Variants in DLG1 observed in about 807,000 individuals in gnomAD.
The protein encoded by DLG1 is discs large MAGUK scaffold protein 1.
A neutral mutation model predicts 123.4 loss-of-function variants in DLG1; 42 were observed. That is an observed-to-expected ratio of 0.34 (90% CI 0.27 to 0.44). DLG1 has a LOEUF of 0.44. DLG1 is among the 20% of genes least tolerant of loss of function. The pLI, the probability that DLG1 is intolerant of heterozygous loss-of-function variation, is 1.00. For missense variants in DLG1, 942 were observed against 1,082.6 expected, an observed-to-expected ratio of 0.87 and a Z score of 1.82; for synonymous variants, 317 against 356.2, an observed-to-expected ratio of 0.89 and a Z score of 1.24.
intron 4 of DLG1, among the ~76,000 whole-genome samples, chr3:197,224,809 C>T (rs1738930728): frequency 6.6e-6 from 1 of 152,162 alleles, no homozygotes; most frequent in South Asian, 2.1e-4. Context: ...GACCTCTTCA[C>T]ATCAGCAATT....
chr3:197,183,507 A>T, intron 5 of DLG1: 1 of 1,364,512 alleles, frequency 7.3e-7, no homozygotes, highest in Non-Finnish European at 1.0e-6. Flanking sequence ...AATCTATATT[A>T]AGACATTTTT....
At chr3:197,298,773 C>G (rs1022427020), upstream of DLG1, 57 of 395,368 alleles carry the variant, frequency 1.4e-4, no homozygotes, top group African/African-American at 1.1e-3. Context: ...ACTCTTCGTC[C>G]CTTAGTAATA....
At chr3:197,131,052 T>C (rs764498168) in intron 10 of DLG1, among the ~76,000 whole-genome samples, 1 of 152,262 alleles carries the variant, frequency 6.6e-6, no homozygotes, top group Non-Finnish European at 1.5e-5. Context: ...CCTTAGAGAC[T>C]GTTCCATGTT....
rs972907509 is a variant in DLG1, at chr3:197,282,820, G to C, written c.177C>G (p.Thr59=). Residue 59 remains threonine, a synonymous_variant, in exon 4 of 25, where the codon ACC becomes ACG. Coordinates refer to ENST00000667157, the MANE Select transcript of DLG1 (RefSeq NM_001366207.1). ...LIDIQEFYEV[T]LLDNPKCIDR... ...CTATACATTTTGGATTATCCAGTAAGGTCACTTCATAAAATTCTTGAATAT... is the reference window on the plus strand; with the variant it reads ...CTATACATTTTGGATTATCCAGTAACGTCACTTCATAAAATTCTTGAATAT... The C allele has an allele frequency of 2.0e-5, 31 of 1,579,586 alleles. No individual in the cohort carries two copies. Among genetic ancestry groups the C allele is most frequent in the Non-Finnish European group, 2.7e-5 (31 of 1,163,356 alleles).
rs545515705 is a variant in DLG1, at chr3:197,043,583, A to T, written c.*1040T>A. The T allele has an allele frequency of 2.6e-5, 4 of 151,636 alleles. No homozygotes were observed. Among genetic ancestry groups the T allele is most frequent in the Admixed American group, 2.6e-4 (4 of 15,198 alleles). 9.4% of individuals were successfully genotyped at this position (151,636 alleles called of 1,614,324 possible). A position where few individuals can be genotyped will look rare whatever the true frequency, so the allele number is the denominator to read the frequency against. ...AACAAAATATATTTTAAATATATATATATGTTTGTGTGTGTGCGCAACTAT... is the reference window on the plus strand; with the variant it reads ...AACAAAATATATTTTAAATATATATTTATGTTTGTGTGTGTGCGCAACTAT... On this transcript the variant is annotated 3_prime_UTR_variant, in exon 25 of 25. Transcript: ENST00000667157.
intron 12 of DLG1, among the ~76,000 whole-genome samples, chr3:197,118,930 G>A (rs1774786763): frequency 6.6e-6 from 1 of 152,052 alleles, no homozygotes; most frequent in Non-Finnish European, 1.5e-5. Flanking sequence ...CTTGAGTCTA[G>A]GAGTTGGAGG....
At chr3:197,108,132 T>C (rs1186945343) in intron 13 of DLG1, among the ~76,000 whole-genome samples, 1 of 152,220 alleles carries the variant, frequency 6.6e-6, no homozygotes, top group Non-Finnish European at 1.5e-5. Context: ...TATGTTGAAC[T>C]AACCATGCAT....
intron 11 of DLG1, among the ~76,000 whole-genome samples, chr3:197,130,224 G>A (rs1187708012): frequency 6.6e-6 from 1 of 152,084 alleles, no homozygotes; most frequent in Non-Finnish European, 1.5e-5. Context: ...GGAAAACTTA[G>A]AACAAAACAA....
chr3:197,044,497 C>A lies in DLG1; in HGVS notation c.*126G>T, dbSNP rs951225676. ...GACACTACATGTGAAAAAGAAGCTG[C>A]AGACCATGATGTGTGGGATACAATT... On this transcript the variant is annotated 3_prime_UTR_variant, in exon 25 of 25. Coordinates refer to ENST00000667157, the MANE Select transcript of DLG1 (RefSeq NM_001366207.1). The A allele has an allele frequency of 1.1e-5, 6 of 552,156 alleles. No individual in the cohort carries two copies. The highest frequency in any genetic ancestry group is 2.7e-4 in the Middle Eastern group (1 of 3,684). 34.2% of individuals were successfully genotyped at this position (552,156 alleles called of 1,614,324 possible). A position where few individuals can be genotyped will look rare whatever the true frequency, so the allele number is the denominator to read the frequency against.
intron 16 of DLG1, among the ~76,000 whole-genome samples, chr3:197,084,937 C>T (rs1400023534): frequency 6.6e-6 from 1 of 151,478 alleles, no homozygotes; most frequent in Non-Finnish European, 1.5e-5. Flanking sequence ...CAGGCGTGTG[C>T]CTCCATGCCC....
chr3:197,069,329 A>G, intron 18 of DLG1, 69 bp from the exon 19 acceptor site: 2 of 1,087,562 alleles, frequency 1.8e-6, no homozygotes, highest in Non-Finnish European at 2.6e-6. Context: ...AATCAAAATG[A>G]AATGTTGAGA....
At chr3:197,090,663 C>T (rs1757254556) in intron 15 of DLG1, among the ~76,000 whole-genome samples, 1 of 152,012 alleles carries the variant, frequency 6.6e-6, no homozygotes, top group Non-Finnish European at 1.5e-5. Context: ...TTCTGGTCCA[C>T]AGAAATTTCT....
intron 5 of DLG1, among the ~76,000 whole-genome samples, chr3:197,167,418 T>C (rs967534732): frequency 3.9e-5 from 6 of 152,114 alleles, no homozygotes; most frequent in African/African-American, 1.4e-4. Flanking sequence ...AGTGGAGAAA[T>C]CTGCAGACAA....
At chr3:197,183,610 T>TA in intron 5 of DLG1, 1 of 1,550,524 alleles carries the variant, frequency 6.4e-7, no homozygotes, top group Non-Finnish European at 8.7e-7. Flanking sequence ...ATGCAGTCAA[T>TA]AAAGCTGTGT....
At chr3:197,245,173 C>T (rs1409322128) in intron 4 of DLG1, among the ~76,000 whole-genome samples, 1 of 151,994 alleles carries the variant, frequency 6.6e-6, no homozygotes, top group African/African-American at 2.4e-5. Context: ...TATGGTATTC[C>T]CACTTTATTT....
At chr3:197,147,467 C>A (rs538523280) in intron 6 of DLG1, among the ~76,000 whole-genome samples, 1 of 133,892 alleles carries the variant, frequency 7.5e-6, no homozygotes, top group East Asian at 2.5e-4. Context: ...CACACACACA[C>A]ACACCATGGA....
Position 197,136,697 on chromosome 3 carries a change from TA to T in DLG1, c.884-20del. The T allele has an allele frequency of 6.3e-7, 1 of 1,587,460 alleles. No homozygotes were observed. The highest frequency in any genetic ancestry group is 8.5e-7 in the Non-Finnish European group (1 of 1,170,694). On this transcript the variant is annotated intron_variant, in intron 9 of 24. Coordinates refer to ENST00000667157, the MANE Select transcript of DLG1 (RefSeq NM_001366207.1). Reference sequence around the variant, plus strand: ...CCAAGACCTGTTTGGAAAACAGTTCTAGATTCTCATCCATAAATATGAACTT... The same window carrying T: ...CCAAGACCTGTTTGGAAAACAGTTCTGATTCTCATCCATAAATATGAACTT...
At chr3:197,060,889 G>A (rs958293138) in intron 22 of DLG1, among the ~76,000 whole-genome samples, 1 of 152,168 alleles carries the variant, frequency 6.6e-6, no homozygotes, top group Non-Finnish European at 1.5e-5. Context: ...GCAGTGGCAT[G>A]ATCTCGGCTT....
intron 18 of DLG1, chr3:197,069,911 T>C (rs1488478720): frequency 6.6e-6 from 1 of 152,186 alleles, no homozygotes; most frequent in African/African-American, 2.4e-5. Flanking sequence ...GCACCGATGG[T>C]GGCAATTGCA....
Sources: allele counts gnomAD v4.1 joint callset (sites outside exome capture counted in the v4.1 genomes callset), GRCh38; gene constraint gnomAD v4.1.1; transcripts MANE v1.5; gene names NCBI Gene and HGNC (gene_info 2026-07-23, HGNC 2026-07-21).